The following RABGAP1L variants were observed in gnomAD, a reference collection of about 807,000 sequenced individuals.
The protein encoded by RABGAP1L is RAB GTPase activating protein 1 like, also known as rab GTPase-activating protein 1-like.
A neutral mutation model predicts 137.7 loss-of-function variants in RABGAP1L; 63 were observed. That is an observed-to-expected ratio of 0.46 (90% CI 0.37 to 0.56). RABGAP1L has a LOEUF of 0.56. RABGAP1L is among the 20% of genes least tolerant of loss of function. The probability of loss-of-function intolerance (pLI) is 0.00; values close to 1 mark genes in which losing one functional copy is unlikely to be tolerated. For synonymous variants in RABGAP1L, 431 were observed against 433.7 expected (o/e 0.99, Z 0.08); for missense variants, 1,095 against 1,244.0 (o/e 0.88, Z 1.80).
chr1:174,568,810 C>T (rs567136241), intron 13 of RABGAP1L, among the ~76,000 whole-genome samples: 1 of 152,136 alleles, frequency 6.6e-6, no homozygotes. Flanking sequence ...TCTGTTTACA[C>T]TATGCAGATA....
chr1:174,756,414 T>C (rs1684763577), intron 18 of RABGAP1L, among the ~76,000 whole-genome samples: 1 of 152,110 alleles, frequency 6.6e-6, no homozygotes, highest in Admixed American at 6.5e-5. Context: ...CCTCCCAAAG[T>C]GTTGGGATTA....
chr1:174,950,378 TC>T (rs1415443612), intron 19 of RABGAP1L, among the ~76,000 whole-genome samples: 1 of 152,184 alleles, frequency 6.6e-6, no homozygotes, highest in Non-Finnish European at 1.5e-5. Context: ...ATGTTCCCTC[TC>T]CTCCTAGTGC....
intron 18 of RABGAP1L, among the ~76,000 whole-genome samples, chr1:174,784,042 A>T (rs1687261298): frequency 1.0e-5 from 1 of 95,940 alleles, no homozygotes; most frequent in Non-Finnish European, 1.9e-5. Context: ...TTTTTTTGAG[A>T]CAGAGTCTGG....
chr1:174,876,241 C>CATTTCAACTGGTTGAAATGTTTT (rs886349788), intron 19 of RABGAP1L, among the ~76,000 whole-genome samples: 3 of 152,128 alleles, frequency 2.0e-5, no homozygotes, highest in Non-Finnish European at 2.9e-5. Flanking sequence ...GAAGACTAAA[C>CATTTCAACTGGTTGAAATGTTTT]ATTTCAACTG....
intron 1 of RABGAP1L, among the ~76,000 whole-genome samples, chr1:174,176,713 G>GGAAAAAAAAA (rs1232596038): frequency 1.4e-4 from 3 of 21,550 alleles, no homozygotes; most frequent in Non-Finnish European, 2.6e-4. Flanking sequence ...CCCTTTTTCA[G>GGAAAAAAAAA]AAAAAAAAAA....
At chr1:174,700,238 A>G (rs1035345190) in intron 16 of RABGAP1L, among the ~76,000 whole-genome samples, 3 of 152,222 alleles carry the variant, frequency 2.0e-5, no homozygotes, top group Non-Finnish European at 1.5e-5. Context: ...ACCACAGGCA[A>G]AGTGATTGAC....
At chr1:174,527,210 T>G (rs997181134) in intron 13 of RABGAP1L, among the ~76,000 whole-genome samples, 10 of 150,434 alleles carry the variant, frequency 6.6e-5, no homozygotes, top group South Asian at 4.2e-4. Context: ...TTTTGTTTTT[T>G]TTTTTTTTTT....
At chr1:174,554,705 G>C (rs1009904646) in intron 13 of RABGAP1L, among the ~76,000 whole-genome samples, 1 of 152,018 alleles carries the variant, frequency 6.6e-6, no homozygotes, top group Non-Finnish European at 1.5e-5. Context: ...AACATTTTCT[G>C]TCTAAATTAA....
At position 174,886,309 on chromosome 1, in the gene RABGAP1L, G is replaced by A. The variant is rs528939891; in HGVS notation, c.2341-71148G>A. ...TTACAGGCGTAAGCCACCGCGCCTG[G>A]CGAGAAACCAATATTACATCAAAAC... On this transcript the variant is annotated intron_variant, in intron 19 of 25. Transcript: ENST00000681986. Among the ~76,000 whole-genome samples, 19 of 152,286 alleles carry A rather than the reference G, an allele frequency of 1.2e-4. No individual in the cohort carries two copies. The South Asian group carries it at 3.7e-3, about 30-fold the overall frequency.
rs369223138 is a variant in RABGAP1L at position 174,188,306 on chromosome 1, C to A, written c.-34+28649C>A. On this transcript the variant is annotated intron_variant, in intron 1 of 25. Transcript: ENST00000681986. ...CTTAGGAAGATCAAAATTTCTCTAA[C>A]AGAAATTATTTTGGTCTTTGAAGTG... Among the ~76,000 whole-genome samples, 46 of 152,220 alleles carry A rather than the reference C, an allele frequency of 3.0e-4. No homozygotes were observed. In the East Asian group the frequency reaches 7.3e-3, roughly 24 times the overall value.
chr1:174,695,031 A>G lies in RABGAP1L; in HGVS notation c.1900-4494A>G, dbSNP rs531085916. ...AAGTGTCTCTTCATATCCTTCACCCACTTTTTGATGGGGTTGTTTGTTTTT... is the reference window on the plus strand; with the variant it reads ...AAGTGTCTCTTCATATCCTTCACCCGCTTTTTGATGGGGTTGTTTGTTTTT... On this transcript the variant is annotated intron_variant, in intron 15 of 25. Coordinates refer to ENST00000681986, the MANE Select transcript of RABGAP1L (RefSeq NM_001366446.1). Among the ~76,000 whole-genome samples the G allele has an allele frequency of 2.4e-3, 367 of 152,076 alleles. 1 individual carries two copies. The highest frequency in any genetic ancestry group is 8.6e-3 in the African/African-American group (355 of 41,492).
At chr1:174,922,365 A>G in intron 19 of RABGAP1L, 1 of 196,140 alleles carries the variant, frequency 5.1e-6, no homozygotes, top group Admixed American at 4.7e-5. Context: ...CATCAGGCGC[A>G]GTTTATGCAG....
intron 4 of RABGAP1L, 152 bp downstream of exon 4, chr1:174,231,507 T>C (rs1182965471): frequency 1.1e-5 from 8 of 699,100 alleles, no homozygotes; most frequent in Non-Finnish European, 2.0e-5. Context: ...GTTCATTGTT[T>C]GAAAGGGGCA....
At chr1:174,823,396 A>G (rs1691238322) in intron 19 of RABGAP1L, among the ~76,000 whole-genome samples, 1 of 152,218 alleles carries the variant, frequency 6.6e-6, no homozygotes, top group African/African-American at 2.4e-5. Context: ...CCGTGATTCT[A>G]CATTTCTTTG....
chr1:174,668,856 A>G (rs1676971948), intron 14 of RABGAP1L, among the ~76,000 whole-genome samples: 1 of 152,148 alleles, frequency 6.6e-6, no homozygotes, highest in African/African-American at 2.4e-5. Flanking sequence ...TTCCAGGACA[A>G]TTAGTGACAC....
chr1:174,375,082 A>C (rs1172984920), intron 12 of RABGAP1L, among the ~76,000 whole-genome samples: 2 of 152,138 alleles, frequency 1.3e-5, no homozygotes, highest in East Asian at 3.8e-4. Flanking sequence ...AAGGAAGTAG[A>C]GACAGACATT....
At chr1:174,423,592 C>A (rs1651609031) in intron 13 of RABGAP1L, among the ~76,000 whole-genome samples, 1 of 152,098 alleles carries the variant, frequency 6.6e-6, no homozygotes, top group Non-Finnish European at 1.5e-5. Flanking sequence ...GGGCTATTTA[C>A]ATGCTAAGTA....
Position 174,314,341 on chromosome 1 carries a change from A to G in RABGAP1L, c.1465+9214A>G, listed in dbSNP as rs116328314. Among the ~76,000 whole-genome samples the G allele has an allele frequency of 6.9e-3, 1,058 of 152,234 alleles. 16 individuals are homozygous for G. Among genetic ancestry groups the G allele is most frequent in the African/African-American group, 0.024 (1,017 of 41,550 alleles). Reference sequence around the variant, plus strand: ...ACTGATGATCCTTTGAATTTCTGCCATCTCAGTGATAATGTCTCTGTTTTC... The same window carrying G: ...ACTGATGATCCTTTGAATTTCTGCCGTCTCAGTGATAATGTCTCTGTTTTC... On this transcript the variant is annotated intron_variant, in intron 11 of 25. Coordinates refer to ENST00000681986, the MANE Select transcript of RABGAP1L (RefSeq NM_001366446.1).
intron 8 of RABGAP1L, among the ~76,000 whole-genome samples, chr1:174,272,684 C>T (rs1674657701): frequency 6.6e-6 from 1 of 151,890 alleles, no homozygotes; most frequent in Non-Finnish European, 1.5e-5. Flanking sequence ...CAGTCATATG[C>T]AACAAATAAA....
Sources: allele counts gnomAD v4.1 joint callset (sites outside exome capture counted in the v4.1 genomes callset), GRCh38; gene constraint gnomAD v4.1.1; transcripts MANE v1.5; gene names NCBI Gene and HGNC (gene_info 2026-07-23, HGNC 2026-07-21).